Variants in RBFOX1 observed in about 807,000 individuals in gnomAD.
RBFOX1 encodes the protein RNA binding fox-1 homolog 1.
In RBFOX1, 8 loss-of-function variants were observed where a neutral mutation model predicts 57.7. The observed-to-expected ratio is 0.14, with a 90% CI of 0.08 to 0.25. RBFOX1 has a LOEUF of 0.25. RBFOX1 is among the 10% of genes least tolerant of loss of function. The pLI, the probability that RBFOX1 is intolerant of heterozygous loss-of-function variation, is 1.00. For synonymous variants in RBFOX1, 326 were observed against 222.4 expected (o/e 1.47, Z -4.15); for missense variants, 611 against 548.5 (o/e 1.11, Z -1.14).
At chr16:6,623,896 A>C (rs1408723592) in intron 2 of RBFOX1, among the ~76,000 whole-genome samples, 1 of 152,186 alleles carries the variant, frequency 6.6e-6, no homozygotes, top group East Asian at 1.9e-4. Context: ...ATAGTGCCGC[A>C]ATAAACATGT....
chr16:5,430,953 C>G (rs1386808703), intron 1 of RBFOX1, among the ~76,000 whole-genome samples: 1 of 152,286 alleles, frequency 6.6e-6, no homozygotes. Flanking sequence ...CTCAGTAACA[C>G]CGCAGTGCAT....
chr16:7,478,880 T>A (rs569507683), intron 4 of RBFOX1, among the ~76,000 whole-genome samples: 24 of 152,138 alleles, frequency 1.6e-4, no homozygotes, highest in East Asian at 3.9e-4. Context: ...CTCTGTTGCA[T>A]CTTGAACGGG....
At chr16:7,035,778 C>A (rs899049438) in intron 3 of RBFOX1, among the ~76,000 whole-genome samples, 1 of 152,034 alleles carries the variant, frequency 6.6e-6, no homozygotes, top group African/African-American at 2.4e-5. Flanking sequence ...TCTAGTCCTT[C>A]CAGTTAGGAT....
chr16:7,337,893 T>A (rs2096823512), intron 4 of RBFOX1, among the ~76,000 whole-genome samples: 1 of 152,154 alleles, frequency 6.6e-6, no homozygotes, highest in African/African-American at 2.4e-5. Context: ...CCATGTTGGT[T>A]AGGCTCATCT....
chr16:5,672,167 G>A (rs568733685), intron 3 of RBFOX1, among the ~76,000 whole-genome samples: 54 of 152,262 alleles, frequency 3.5e-4, no homozygotes, highest in Non-Finnish European at 6.8e-4. Context: ...TAGAATGGCA[G>A]GGATGGAAGG....
At chr16:7,102,136 G>A (rs897232672) in intron 4 of RBFOX1, among the ~76,000 whole-genome samples, 1 of 152,172 alleles carries the variant, frequency 6.6e-6, no homozygotes, top group South Asian at 2.1e-4. Flanking sequence ...CTACTTCTCT[G>A]TTAGAAAAGA....
chr16:5,799,485 T>C (rs957591192), intron 3 of RBFOX1, among the ~76,000 whole-genome samples: 1 of 152,244 alleles, frequency 6.6e-6, no homozygotes, highest in African/African-American at 2.4e-5. Context: ...TATAATGATA[T>C]GGAAGCAACA....
At chr16:6,822,781 C>T (rs913650177) in intron 3 of RBFOX1, among the ~76,000 whole-genome samples, 4 of 152,116 alleles carry the variant, frequency 2.6e-5, no homozygotes, top group East Asian at 1.9e-4. Context: ...GGGACAAGCG[C>T]GAGTATGGTC....
chr16:5,937,193 G>A (rs1489723915), intron 4 of RBFOX1, among the ~76,000 whole-genome samples: 1 of 152,140 alleles, frequency 6.6e-6, no homozygotes, highest in Non-Finnish European at 1.5e-5. Flanking sequence ...GGTCTCCATT[G>A]GACTATCTCT....
intron 2 of RBFOX1, among the ~76,000 whole-genome samples, chr16:6,466,088 G>C (rs1037872395): frequency 6.6e-6 from 1 of 152,032 alleles, no homozygotes; most frequent in African/African-American, 2.4e-5. Context: ...AATTAGCCAG[G>C]TGTGGTGGTG....
intron 3 of RBFOX1, among the ~76,000 whole-genome samples, chr16:6,958,339 T>A (rs2037989417): frequency 6.6e-6 from 1 of 152,198 alleles, no homozygotes; most frequent in Admixed American, 6.5e-5. Flanking sequence ...ACCTTCTGAA[T>A]CCTCAAGTAG....
At chr16:6,776,199 C>T (rs778422355) in intron 3 of RBFOX1, among the ~76,000 whole-genome samples, 14 of 152,020 alleles carry the variant, frequency 9.2e-5, no homozygotes, top group East Asian at 1.9e-4. Flanking sequence ...ATCACTAGGT[C>T]GGGAGATCGA....
chr16:6,014,856 ATT>A (rs35940035), upstream of RBFOX1, among the ~76,000 whole-genome samples: 29 of 142,916 alleles, frequency 2.0e-4, no homozygotes, highest in East Asian at 8.1e-4. Flanking sequence ...TGGCTACTTG[ATT>A]TTTTTTTTTT....
At chr16:6,439,328 G>T (rs1410929756) in intron 2 of RBFOX1, among the ~76,000 whole-genome samples, 1 of 152,192 alleles carries the variant, frequency 6.6e-6, no homozygotes, top group Non-Finnish European at 1.5e-5. Context: ...CAGATTGTCA[G>T]GACGGCCAAC....
chr16:7,037,931 T>C (rs1203058090), intron 3 of RBFOX1, among the ~76,000 whole-genome samples: 2 of 152,206 alleles, frequency 1.3e-5, no homozygotes, highest in Non-Finnish European at 2.9e-5. Context: ...TATAAAATTA[T>C]CAACTTCTGA....
chr16:7,350,586 T>C (rs1047747917), intron 4 of RBFOX1, among the ~76,000 whole-genome samples: 11 of 152,176 alleles, frequency 7.2e-5, no homozygotes, highest in African/African-American at 2.4e-4. Context: ...AAATAATCTT[T>C]AGTGGGACAA....
intron 4 of RBFOX1, among the ~76,000 whole-genome samples, chr16:5,928,522 AATT>A: frequency 6.6e-6 from 1 of 152,250 alleles, no homozygotes; most frequent in East Asian, 1.9e-4. Context: ...AAACATATAC[AATT>A]ATTATTTGTC....
intron 2 of RBFOX1, among the ~76,000 whole-genome samples, chr16:6,503,704 A>C (rs565511898): frequency 1.5e-4 from 23 of 152,158 alleles, no homozygotes; most frequent in African/African-American, 4.6e-4. Context: ...CATCCCTTCC[A>C]TATGTTGCAT....
chr16:7,150,779 T>G (rs1213262047), intron 4 of RBFOX1, among the ~76,000 whole-genome samples: 1 of 152,220 alleles, frequency 6.6e-6, no homozygotes, highest in African/African-American at 2.4e-5. Context: ...ACTGCAGCAT[T>G]TGTGGGTTAT....
Sources: allele counts gnomAD v4.1 joint callset (sites outside exome capture counted in the v4.1 genomes callset), GRCh38; gene constraint gnomAD v4.1.1; transcripts MANE v1.5; gene names NCBI Gene and HGNC (gene_info 2026-07-23, HGNC 2026-07-21).